Variants in KATNIP observed in about 807,000 individuals in gnomAD.
KATNIP encodes the protein katanin interacting protein.
KATNIP carries 126 observed loss-of-function variants against 174.0 expected under a neutral mutation model. The observed-to-expected ratio is 0.72, with a 90% CI of 0.63 to 0.84. The LOEUF is 0.84. KATNIP is among the 40% of genes least tolerant of loss of function. KATNIP has a pLI of 0.00. For missense variants in KATNIP, 1,958 were observed against 2,109.7 expected (o/e 0.93, Z 1.41); for synonymous variants, 810 against 835.7 (o/e 0.97, Z 0.53).
At chr16:27,608,473 C>T (rs896527587) in intron 2 of KATNIP, among the ~76,000 whole-genome samples, 4 of 145,374 alleles carry the variant, frequency 2.8e-5, no homozygotes, top group Middle Eastern at 3.8e-3. Context: ...TCTCAAACCA[C>T]AGTCCTAACT....
intron 14 of KATNIP, chr16:27,727,231 C>T (rs2080485739): frequency 4.3e-6 from 1 of 231,392 alleles, no homozygotes; most frequent in Non-Finnish European, 9.6e-6. Flanking sequence ...CTCTGCTGCC[C>T]AGGCTGGAGT....
chr16:27,716,570 C>T (rs1223514834), intron 13 of KATNIP, among the ~76,000 whole-genome samples: 1 of 152,038 alleles, frequency 6.6e-6, no homozygotes, highest in Admixed American at 6.5e-5. Context: ...AAAACCAGGA[C>T]CTTGACATTG....
intron 8 of KATNIP, among the ~76,000 whole-genome samples, chr16:27,696,948 C>T (rs1337636073): frequency 6.6e-6 from 1 of 152,072 alleles, no homozygotes; most frequent in Non-Finnish European, 1.5e-5. Flanking sequence ...AGGCTGATCT[C>T]GAACTCCTGA....
chr16:27,628,092 A>G (rs971762184), intron 3 of KATNIP, among the ~76,000 whole-genome samples: 35 of 152,244 alleles, frequency 2.3e-4, no homozygotes, highest in African/African-American at 8.0e-4. Context: ...AGAATATGAC[A>G]TGATGGCCTT....
chr16:27,677,483 C>G (rs1489201642), intron 6 of KATNIP, among the ~76,000 whole-genome samples: 1 of 152,086 alleles, frequency 6.6e-6, no homozygotes, highest in Non-Finnish European at 1.5e-5. Flanking sequence ...CCCCACCTTC[C>G]CCCGGCATCT....
chr16:27,652,175 G>C (rs1004800436), intron 6 of KATNIP, among the ~76,000 whole-genome samples: 3 of 152,216 alleles, frequency 2.0e-5, no homozygotes, highest in Non-Finnish European at 4.4e-5. Flanking sequence ...TGTGTCAGGA[G>C]ACAACAGGGC....
chr16:27,698,189 T>G (rs1221822768), intron 8 of KATNIP, 139 bp from the exon 9 acceptor site: 26 of 906,658 alleles, frequency 2.9e-5, no homozygotes, highest in Non-Finnish European at 4.3e-5. Flanking sequence ...CCGTTTTCTT[T>G]GTCTTTTACC....
At chr16:27,717,237 G>T (rs2079994122) in intron 13 of KATNIP, among the ~76,000 whole-genome samples, 1 of 151,638 alleles carries the variant, frequency 6.6e-6, no homozygotes, top group Admixed American at 6.6e-5. Context: ...CTTCCAAATT[G>T]TTGTGTGTGT....
intron 14 of KATNIP, among the ~76,000 whole-genome samples, chr16:27,724,230 G>T (rs962632974): frequency 9.9e-5 from 15 of 152,206 alleles, no homozygotes; most frequent in Admixed American, 7.8e-4. Context: ...CTGGGGTCGG[G>T]TCCTCTCATT....
intron 5 of KATNIP, among the ~76,000 whole-genome samples, chr16:27,642,788 T>G (rs1028100362): frequency 3.7e-4 from 41 of 110,676 alleles, no homozygotes; most frequent in African/African-American, 9.7e-4. Flanking sequence ...TTTTTTTTTT[T>G]GTGGAGACAA....
intron 1 of KATNIP, among the ~76,000 whole-genome samples, chr16:27,562,272 T>A (rs575518733): frequency 1.3e-5 from 2 of 152,258 alleles, no homozygotes; most frequent in South Asian, 4.2e-4. Context: ...ACCACACCAC[T>A]TTGACTCCAG....
intron 2 of KATNIP, among the ~76,000 whole-genome samples, chr16:27,618,183 A>G (rs990832911): frequency 6.6e-6 from 1 of 152,198 alleles, no homozygotes; most frequent in African/African-American, 2.4e-5. Flanking sequence ...AACAGTAGCG[A>G]GAGGCGGGAA....
At chr16:27,737,955 G>A (rs141350068) in intron 14 of KATNIP, among the ~76,000 whole-genome samples, 236 of 152,286 alleles carry the variant, frequency 1.5e-3, no homozygotes, top group African/African-American at 4.8e-3. Context: ...CCATGTGGAG[G>A]TGGAGGCAGA....
At chr16:27,676,734 A>G (rs961495696) in intron 6 of KATNIP, among the ~76,000 whole-genome samples, 1 of 152,126 alleles carries the variant, frequency 6.6e-6, no homozygotes, top group African/African-American at 2.4e-5. Flanking sequence ...TACAGTGGCA[A>G]TCATAGCTCA....
intron 14 of KATNIP, among the ~76,000 whole-genome samples, chr16:27,726,338 G>C (rs1488638169): frequency 6.6e-6 from 1 of 152,184 alleles, no homozygotes; most frequent in Non-Finnish European, 1.5e-5. Flanking sequence ...ACCGCTGCTT[G>C]CTAGAACTTT....
intron 14 of KATNIP, among the ~76,000 whole-genome samples, chr16:27,729,085 G>A (rs1220639885): frequency 6.6e-6 from 1 of 152,174 alleles, no homozygotes; most frequent in Non-Finnish European, 1.5e-5. Context: ...GGTACCAAAG[G>A]ACAGAAAACC....
intron 5 of KATNIP, among the ~76,000 whole-genome samples, chr16:27,636,140 C>A (rs1483985128): frequency 5.9e-5 from 9 of 152,152 alleles, no homozygotes; most frequent in Admixed American, 5.9e-4. Flanking sequence ...GGGGACAGAG[C>A]AAGACCCTAT....
At chr16:27,755,238 T>G (rs771235869) in intron 18 of KATNIP, 8 of 152,318 alleles carry the variant, frequency 5.3e-5, no homozygotes, top group Non-Finnish European at 8.8e-5. Context: ...AATCCTGGTG[T>G]CAGCCCTTCC....
intron 20 of KATNIP, among the ~76,000 whole-genome samples, chr16:27,766,785 G>T (rs1750289714): frequency 6.6e-6 from 1 of 152,164 alleles, no homozygotes; most frequent in South Asian, 2.1e-4. Flanking sequence ...GTGCTCGGGT[G>T]GCCAGGCCTC....
Sources: gnomAD v4.1 joint callset for allele counts (sites outside exome capture counted in the v4.1 genomes callset) on GRCh38, gnomAD v4.1.1 for gene constraint, MANE v1.5 for transcripts, NCBI Gene and HGNC (gene_info 2026-07-23, HGNC 2026-07-21) for gene names.